MUC22: variants seen among roughly 807,000 people sequenced by gnomAD.
MUC22 encodes the protein mucin 22, also known as mucin-22.
Under a neutral mutation model 40.3 loss-of-function variants are expected in MUC22, and 24 were observed. The observed-to-expected ratio is 0.60, with a 90% CI of 0.43 to 0.84. MUC22 has a LOEUF of 0.84. Among genes scored for constraint, MUC22 ranks in the 40% least tolerant of loss-of-function variants. The pLI is 0.00. For synonymous variants in MUC22, 765 were observed against 844.5 expected, an observed-to-expected ratio of 0.91 and a Z score of 1.63; for missense variants, 1,926 against 2,130.7, an observed-to-expected ratio of 0.90 and a Z score of 1.89.
exon 2 of MUC22, chr6:31,026,557 A>T (rs1332350704): frequency 6.7e-7 from 1 of 1,499,950 alleles, no homozygotes; most frequent in African/African-American, 1.4e-5. Context: ...GGGCTCAGAG[A>T]CCACCACAAA....
upstream of MUC22, among the ~76,000 whole-genome samples, chr6:31,007,135 T>C (rs1763572337): frequency 6.6e-6 from 1 of 152,272 alleles, no homozygotes; most frequent in Non-Finnish European, 1.5e-5. The surrounding 1 kb of genome is among the most constrained non-coding windows in gnomAD (Gnocchi z 4.0). Context: ...TTACATTCTT[T>C]GCAATAATTA....
chr6:31,026,508 C>G, exon 2 of MUC22: 2 of 1,505,998 alleles, frequency 1.3e-6, no homozygotes, highest in Non-Finnish European at 1.8e-6. Context: ...CCACTACAGT[C>G]TCTATCACAG....
chr6:31,029,275 G>A (rs1765803837), exon 2 of MUC22: 6 of 1,528,360 alleles, frequency 3.9e-6, no homozygotes, highest in African/African-American at 1.4e-5. Flanking sequence ...CTCTACTGAA[G>A]GTTCAGAGAC....
At chr6:31,026,830 A>G (rs1459392081) in exon 2 of MUC22, 4 of 1,494,780 alleles carry the variant, frequency 2.7e-6, no homozygotes, top group Non-Finnish European at 3.6e-6. Flanking sequence ...CTCTGAGACC[A>G]CAACAGCCTC....
intron 1 of MUC22, among the ~76,000 whole-genome samples, chr6:31,020,854 T>A (rs997399650): frequency 3.3e-5 from 5 of 152,334 alleles, no homozygotes; most frequent in East Asian, 3.9e-4. Flanking sequence ...AGTGAGGGGC[T>A]TAGCACCCGG....
intron 2 of MUC22, among the ~76,000 whole-genome samples, chr6:31,031,764 G>A (rs1766081721): frequency 6.6e-6 from 1 of 151,966 alleles, no homozygotes; most frequent in Non-Finnish European, 1.5e-5. Context: ...AACATACGAT[G>A]TTCGGTTTTC....
intron 1 of MUC22, among the ~76,000 whole-genome samples, chr6:31,019,434 A>G (rs4713412): frequency 0.39 from 58,660 of 152,086 alleles, 11,541 homozygotes; most frequent in East Asian, 0.47. Context: ...ACATAAATCA[A>G]TTTTGTTTTC....
exon 4 of MUC22, chr6:31,035,119 A>G: frequency 1.5e-6 from 1 of 674,628 alleles, no homozygotes; most frequent in Non-Finnish European, 2.4e-6. Context: ...GATGTGATCC[A>G]TGGAGATGGA....
upstream of MUC22, chr6:31,006,271 A>T (rs1401071689): frequency 4.3e-6 from 1 of 234,160 alleles, no homozygotes; most frequent in East Asian, 1.7e-4. Context: ...AATTTTTTAG[A>T]CGTTTATAAA....
chr6:31,034,803 T>C (rs1346430762), exon 4 of MUC22: 6 of 1,535,628 alleles, frequency 3.9e-6, no homozygotes, highest in Non-Finnish European at 5.2e-6. Context: ...CACTGGTTCA[T>C]GGAGGAGAAC....
At chr6:31,024,824 A>G (rs1765138807) in intron 1 of MUC22, among the ~76,000 whole-genome samples, 1 of 151,392 alleles carries the variant, frequency 6.6e-6, no homozygotes, top group Non-Finnish European at 1.5e-5. Flanking sequence ...TACTTATGCT[A>G]TCAATCTGTG....
exon 2 of MUC22, chr6:31,026,672 C>G: frequency 8.0e-6 from 12 of 1,506,778 alleles, no homozygotes; most frequent in Non-Finnish European, 1.1e-5. Flanking sequence ...ACTGCAGATT[C>G]TGAGACCACT....
At chr6:31,021,830 G>A (rs1159580354) in intron 1 of MUC22, among the ~76,000 whole-genome samples, 1 of 152,186 alleles carries the variant, frequency 6.6e-6, no homozygotes, top group Non-Finnish European at 1.5e-5. Flanking sequence ...CGAGCCAGCA[G>A]TGGCAACCTG....
At chr6:31,030,495 C>G (rs558490693) in intron 2 of MUC22, among the ~76,000 whole-genome samples, 13 of 140,782 alleles carry the variant, frequency 9.2e-5, no homozygotes, top group African/African-American at 1.6e-4. Context: ...CCAGCCTGGG[C>G]GACAGAGCGA....
chr6:31,033,846 G>T (rs1323377653), intron 3 of MUC22, among the ~76,000 whole-genome samples: 1 of 152,194 alleles, frequency 6.6e-6, no homozygotes, highest in South Asian at 2.1e-4. Flanking sequence ...AAATACGGAA[G>T]TCACAAAAGA....
At chr6:31,020,013 T>C (rs1485976567) in intron 1 of MUC22, among the ~76,000 whole-genome samples, 1 of 152,122 alleles carries the variant, frequency 6.6e-6, no homozygotes, top group Non-Finnish European at 1.5e-5. Flanking sequence ...ATATGTATTA[T>C]TGAAGTTCCA....
chr6:31,035,001 G>A (rs1434785292), exon 4 of MUC22: 1 of 1,479,464 alleles, frequency 6.8e-7, no homozygotes, highest in Non-Finnish European at 9.0e-7. Context: ...CAAGATGGCT[G>A]TGGCCATAGA....
Position 31,032,323 on chromosome 6 carries a change from T to C in MUC22, c.4797T>C (p.Gly1599=). ...TAGTCTTAAACACCTCTGGCCTGGG[T>C]ACATCCACTATGGGAGCATCATCTA... Residue 1599 remains glycine, a synonymous_variant, in exon 3 of 4, where the codon GGT becomes GGC. Coordinates refer to ENST00000561890, the Ensembl canonical transcript of MUC22. The surrounding 1 kb of genome is among the most constrained non-coding windows in gnomAD (Gnocchi z 4.1). 1 of 1,535,572 alleles carries C rather than the reference T, an allele frequency of 6.5e-7. No individual in the cohort carries two copies. Among genetic ancestry groups the C allele is most frequent in the Non-Finnish European group, 8.7e-7 (1 of 1,146,890 alleles).
In MUC22 at chr6:31,020,122, T is replaced by C. The variant is rs116510767; in HGVS notation, c.71-5380T>C. ...TCACAGATCCCAAGAACTCAACAAA[T>C]ATCAAGCAAAATAAACTTTAAAAAA... On this transcript the variant is annotated intron_variant, in intron 1 of 3. Transcript: ENST00000561890. Among the ~76,000 whole-genome samples the C allele has an allele frequency of 7.7e-3, 1,169 of 152,204 alleles. 14 individuals carry two copies. The highest frequency in any genetic ancestry group is 0.026 in the African/African-American group (1,087 of 41,534).
Sources: gnomAD v4.1 joint callset for allele counts (sites outside exome capture counted in the v4.1 genomes callset) on GRCh38, gnomAD v4.1.1 for gene constraint, Gnocchi (gnomAD v3.1) non-coding constraint, MANE v1.5 for transcripts, NCBI Gene and HGNC (gene_info 2026-07-23, HGNC 2026-07-21) for gene names.